The following RAPGEFL1 variants were observed in gnomAD, a reference collection of about 807,000 sequenced individuals.
RAPGEFL1 encodes rap guanine nucleotide exchange factor-like 1.
RAPGEFL1 carries 31 observed loss-of-function variants against 64.4 expected under a neutral mutation model. The observed-to-expected ratio is 0.48, with a 90% CI of 0.36 to 0.65. RAPGEFL1 has a LOEUF of 0.65. RAPGEFL1 is among the 30% of genes least tolerant of loss of function. The pLI is 0.00. For missense variants in RAPGEFL1, 682 were observed against 677.4 expected, an observed-to-expected ratio of 1.01 and a Z score of -0.08; for synonymous variants, 331 against 274.1, an observed-to-expected ratio of 1.21 and a Z score of -2.05.
intron 2 of RAPGEFL1, among the ~76,000 whole-genome samples, chr17:40,182,107 C>T (rs1989913250): frequency 6.6e-6 from 1 of 151,814 alleles, no homozygotes; most frequent in Non-Finnish European, 1.5e-5. Context: ...AGAAAACATA[C>T]CTGGGTTTCA....
chr17:40,193,986 C>A lies in RAPGEFL1; in HGVS notation c.*198C>A. The A allele has an allele frequency of 1.1e-5, 7 of 632,048 alleles. No homozygotes were observed. Among genetic ancestry groups the A allele is most frequent in the South Asian group, 2.0e-5 (1 of 49,486 alleles). The allele number at this position is 632,048 out of a possible 1,614,324, so 39.2% of individuals were successfully genotyped here. A position where few individuals can be genotyped will look rare whatever the true frequency, so the allele number is the denominator to read the frequency against. Reference sequence around the variant, plus strand: ...TCCCCTCCCCATTGCTCCTTCAAGCCAAAACTACACTTTGCTGGTTCCTGT... The same window carrying A: ...TCCCCTCCCCATTGCTCCTTCAAGCAAAAACTACACTTTGCTGGTTCCTGT... On this transcript the variant is annotated 3_prime_UTR_variant, in exon 15 of 15. Coordinates refer to ENST00000620260, the MANE Select transcript of RAPGEFL1 (RefSeq NM_016339.6).
chr17:40,185,193 G>A (rs1990023795), intron 4 of RAPGEFL1, among the ~76,000 whole-genome samples: 1 of 152,102 alleles, frequency 6.6e-6, no homozygotes. Flanking sequence ...GTGGTGTACT[G>A]GTAAATATTT....
At position 40,184,213 on chromosome 17, in the gene RAPGEFL1, G is replaced by T. The variant is rs377727304; in HGVS notation, c.600-1G>T. ...GGGATTTTTCTTAACTTAAGGGTCAGCTTTGTTCGGGCAGGAGGCATGGAG... is the reference window on the plus strand; with the variant it reads ...GGGATTTTTCTTAACTTAAGGGTCATCTTTGTTCGGGCAGGAGGCATGGAG... On this transcript the variant is annotated splice_acceptor_variant, in intron 2 of 14. Transcript: ENST00000620260. LOFTEE classifies it high-confidence loss of function. 3 of 1,605,262 alleles carry T rather than the reference G, an allele frequency of 1.9e-6. No individual in the cohort carries two copies. Among genetic ancestry groups the T allele is most frequent in the Non-Finnish European group, 2.6e-6 (3 of 1,172,402 alleles).
rs751003908 is a variant in RAPGEFL1 at position 40,193,753 on chromosome 17, G to A, written c.1954G>A (p.Glu652Lys). 3.1e-6 allele frequency: 5 copies of A among 1,613,814 alleles called. No homozygotes were observed. The highest frequency in any genetic ancestry group is 2.7e-5 in the African/African-American group (2 of 74,832). ...CATCGACAACCAGAACCTCCTCTTC[G>A]AGCTCTCCTACAAGCTGGAGGCAAA... is the stretch of plus-strand genomic sequence containing the variant. The part of the protein sequence containing the change: ...QVIDNQNLLF[E>K]LSYKLEANSQ Residue 652 changes from glutamate (E) to lysine (K), a missense_variant, in exon 15 of 15, where the codon GAG (glutamate) becomes AAG (lysine). Transcript: ENST00000620260.
intron 3 of RAPGEFL1, 68 bp from the exon 4 acceptor site, chr17:40,184,513 G>T: frequency 2.5e-6 from 3 of 1,188,152 alleles, no homozygotes. Context: ...GACCTTGCCC[G>T]GCCCCTGCAG....
At chr17:40,178,551 A>C (rs939807098) in intron 1 of RAPGEFL1, among the ~76,000 whole-genome samples, 170 bp downstream of exon 1, 1 of 152,142 alleles carries the variant, frequency 6.6e-6, no homozygotes, top group African/African-American at 2.4e-5. Flanking sequence ...GCGGAAGAGG[A>C]GAGCAGTACT....
rs776013036 is a variant in RAPGEFL1, at chr17:40,181,415, C to T, written c.521-201C>T. The T allele has an allele frequency of 1.4e-4, 89 of 654,662 alleles. 2 individuals carry two copies. The highest frequency in any genetic ancestry group is 1.2e-3 in the South Asian group (79 of 66,340). The allele number at this position is 654,662 out of a possible 1,614,324, so 40.6% of individuals were successfully genotyped here. A position where few individuals can be genotyped will look rare whatever the true frequency, so the allele number is the denominator to read the frequency against. On this transcript the variant is annotated intron_variant, in intron 1 of 14. Coordinates refer to ENST00000620260, the MANE Select transcript of RAPGEFL1 (RefSeq NM_016339.6). ...TCCCTTCAGCTGCCTTGGCAGCTGC[C>T]GAACCCACCCTCGCAGTGGCTGCCC...
At position 40,190,692 on chromosome 17, in the gene RAPGEFL1, G is replaced by T. The variant is rs1444027964; in HGVS notation, c.1265G>T (p.Arg422Leu). The change falls in exon 8 of 15, where the codon CGA (arginine) becomes CTA (leucine). Residue 422 changes from arginine (R) to leucine (L), a missense_variant. By Grantham distance (102) the Arg-to-Leu change is moderately radical. Transcript: ENST00000620260. ...TCCCCTGGAGACACAGAGATCCACC[G>T]AGTGGAGCCTGAGGACGTTGCCAAC... is the stretch of plus-strand genomic sequence containing the variant. Reference protein sequence around the residue: ...QVSPGDTEIHRVEPEDVANHL... With the variant: ...QVSPGDTEIHLVEPEDVANHL... The T allele has an allele frequency of 2.5e-6, 4 of 1,614,076 alleles. No homozygotes were observed. The Admixed American group carries it at 6.7e-5, about 27-fold the overall frequency.
chr17:40,185,060 GC>G (rs1217544141), intron 4 of RAPGEFL1, among the ~76,000 whole-genome samples: 1 of 152,184 alleles, frequency 6.6e-6, no homozygotes, highest in African/African-American at 2.4e-5. Flanking sequence ...ACAGGTGTGA[GC>G]CACTGTGTCT....
intron 4 of RAPGEFL1, among the ~76,000 whole-genome samples, chr17:40,186,165 T>G (rs972797061): frequency 3.3e-5 from 5 of 150,558 alleles, no homozygotes; most frequent in Admixed American, 6.6e-5. Context: ...TCCCAGCTAC[T>G]CAAGAGGCTG....
chr17:40,192,058 A>G (rs566578580), intron 10 of RAPGEFL1, among the ~76,000 whole-genome samples, 155 bp from the exon 11 acceptor site: 3 of 152,254 alleles, frequency 2.0e-5, no homozygotes, highest in Non-Finnish European at 4.4e-5. Context: ...AGACTTAGCC[A>G]AGGCCTGACT....
At chr17:40,179,782 C>A (rs553614896) in intron 1 of RAPGEFL1, among the ~76,000 whole-genome samples, 1 of 152,132 alleles carries the variant, frequency 6.6e-6, no homozygotes, top group Non-Finnish European at 1.5e-5. Context: ...TCTCAGCCCT[C>A]GGCAGGGAAC....
intron 4 of RAPGEFL1, among the ~76,000 whole-genome samples, chr17:40,188,217 C>T (rs1345076342): frequency 6.6e-6 from 1 of 152,004 alleles, no homozygotes; most frequent in Non-Finnish European, 1.5e-5. Context: ...ACCTGGCCTC[C>T]ACCTCCTTCT....
rs1444437276 is a variant in RAPGEFL1 at position 40,195,302 on chromosome 17, C to G, written c.*1514C>G. ...GACATAGGAGGTGCTGTGTCCCATG[C>G]CCTCTTGCCCTGACAGTGTCCCATG... On this transcript the variant is annotated 3_prime_UTR_variant, in exon 15 of 15. Transcript: ENST00000620260. 1 of 153,244 alleles carries G rather than the reference C, an allele frequency of 6.5e-6. No individual in the cohort carries two copies. Among genetic ancestry groups the G allele is most frequent in the Non-Finnish European group, 1.5e-5 (1 of 68,572 alleles). The allele number at this position is 153,244 out of a possible 1,614,324, so 9.5% of individuals were successfully genotyped here. A position where few individuals can be genotyped will look rare whatever the true frequency, so the allele number is the denominator to read the frequency against.
rs1388058881 is a variant in RAPGEFL1, at chr17:40,191,310, G to C, written c.1336-6G>C. The stretch of plus-strand genomic sequence containing the variant: ...CCTGGCCGCCCCTCCGCTGCCGTGG[G>C]TGCAGCTGGAGTTCGTGGACTACGT... On this transcript the variant is annotated splice_region_variant and splice_polypyrimidine_tract_variant and intron_variant, in intron 8 of 14. Transcript: ENST00000620260. The surrounding 1 kb of genome is among the most constrained non-coding windows in gnomAD (Gnocchi z 5.1). 2.5e-6 allele frequency: 4 copies of C among 1,569,178 alleles called. 1 individual carries two copies. In the South Asian group the frequency reaches 4.6e-5, roughly 18 times the overall value.
intron 2 of RAPGEFL1, 53 bp downstream of exon 2, chr17:40,181,747 C>A: frequency 1.4e-6 from 1 of 698,124 alleles, no homozygotes; most frequent in South Asian, 1.5e-5. Flanking sequence ...GCCACTCCCT[C>A]CGTCCCACAT....
rs981874600 is a variant in RAPGEFL1 at position 40,177,855 on chromosome 17, G to C, written c.-7G>C. 3 of 427,814 alleles carry C rather than the reference G, an allele frequency of 7.0e-6. No homozygotes were observed. Among genetic ancestry groups the C allele is most frequent in the African/African-American group, 2.1e-5 (1 of 48,706 alleles). The allele number at this position is 427,814 out of a possible 1,614,324, so 26.5% of individuals were successfully genotyped here. A position where few individuals can be genotyped will look rare whatever the true frequency, so the allele number is the denominator to read the frequency against. ...CGGCGACCCCTAGGAGAGGGGCGGGGGGGGGCATGAAGCCGCTGGAGAAAT... is the reference window on the plus strand; with the variant it reads ...CGGCGACCCCTAGGAGAGGGGCGGGCGGGGGCATGAAGCCGCTGGAGAAAT... On this transcript the variant is annotated 5_prime_UTR_variant, in exon 1 of 15. Transcript: ENST00000620260.
At chr17:40,185,623 A>T (rs1019845016) in intron 4 of RAPGEFL1, among the ~76,000 whole-genome samples, 1 of 151,792 alleles carries the variant, frequency 6.6e-6, no homozygotes, top group Admixed American at 6.6e-5. Context: ...GTCTCTACTA[A>T]AAATACAAAA....
Position 40,194,232 on chromosome 17 carries a change from CGT to C in RAPGEFL1, c.*501_*502del, listed in dbSNP as rs56205991. On this transcript the variant is annotated 3_prime_UTR_variant, in exon 15 of 15. Coordinates refer to ENST00000620260, the MANE Select transcript of RAPGEFL1 (RefSeq NM_016339.6). Reference sequence around the variant, plus strand: ...GGGACCCCCAGGAATATTATGTTGCCGTGTGTGTGTGTGTGTGTGTGTGTGTG... The same window carrying C: ...GGGACCCCCAGGAATATTATGTTGCCGTGTGTGTGTGTGTGTGTGTGTGTG... The C allele has an allele frequency of 0.079, 9,811 of 124,726 alleles. 545 individuals are homozygous for C. The highest frequency in any genetic ancestry group is 0.094 in the Middle Eastern group (24 of 256). 7.7% of individuals were successfully genotyped at this position (124,726 alleles called of 1,614,324 possible). A position where few individuals can be genotyped will look rare whatever the true frequency, so the allele number is the denominator to read the frequency against.
Sources: allele counts gnomAD v4.1 joint callset (sites outside exome capture counted in the v4.1 genomes callset), GRCh38; gene constraint gnomAD v4.1.1; non-coding constraint Gnocchi (gnomAD v3.1); transcripts MANE v1.5; gene names NCBI Gene and HGNC (gene_info 2026-07-23, HGNC 2026-07-21).